The following PPP1R3A variants were observed in gnomAD, a reference collection of about 807,000 sequenced individuals.
The protein encoded by PPP1R3A is protein phosphatase 1 regulatory subunit 3A, also known as RG1.
PPP1R3A carries 29 observed loss-of-function variants against 41.7 expected under a neutral mutation model. The ratio of observed to expected loss-of-function variants is 0.70; its 90% CI spans 0.52 to 0.95. The LOEUF is 0.95. PPP1R3A is among the 40% of genes least tolerant of loss of function. PPP1R3A has a pLI of 0.00. For synonymous variants in PPP1R3A, 485 were observed against 453.4 expected, an observed-to-expected ratio of 1.07 and a Z score of -0.89; for missense variants, 1,352 against 1,292.4, an observed-to-expected ratio of 1.05 and a Z score of -0.71.
intron 3 of PPP1R3A, among the ~76,000 whole-genome samples, chr7:113,880,718 T>C (rs1023652303): frequency 6.6e-6 from 1 of 151,874 alleles, no homozygotes; most frequent in Non-Finnish European, 1.5e-5. Flanking sequence ...GCCTGTGTTT[T>C]TTTTTTTTTC....
In PPP1R3A at chr7:113,918,843, T is replaced by C. The variant is rs369167258; in HGVS notation, c.154A>G (p.Ile52Val). Residue 52 changes from isoleucine to valine, a missense_variant, in exon 1 of 4, where the codon ATA becomes GTA. Physicochemically the swap from Ile to Val is conservative, Grantham distance 29. Coordinates refer to ENST00000284601, the MANE Select transcript of PPP1R3A (RefSeq NM_002711.4). The part of the protein sequence containing the change: ...SRRGSDSSED[I>V]YLDTPSSGTR... ...CCTGAAGATGGGGTATCCAGGTATA[T>C]GTCTTCAGAAGAATCAGAACCTCGT... The C allele has an allele frequency of 4.2e-5, 68 of 1,613,776 alleles. No individual in the cohort carries two copies. Among genetic ancestry groups the C allele is most frequent in the Non-Finnish European group, 5.3e-5 (62 of 1,179,838 alleles).
intron 1 of PPP1R3A, among the ~76,000 whole-genome samples, chr7:113,904,307 T>G (rs1329858734): frequency 2.0e-5 from 3 of 151,798 alleles, no homozygotes; most frequent in African/African-American, 7.2e-5. Flanking sequence ...CTTGATCAAA[T>G]AAATTTCCTT....
intron 1 of PPP1R3A, among the ~76,000 whole-genome samples, chr7:113,886,700 T>G (rs191382946): frequency 2.2e-4 from 34 of 152,280 alleles, no homozygotes; most frequent in Middle Eastern, 3.4e-3. Context: ...AAATAATTTA[T>G]GAAGATAGAG....
chr7:113,877,751 C>T lies in PPP1R3A; in HGVS notation c.3341G>A (p.Arg1114Lys), dbSNP rs1343349412. ...SLSWLSWEEG[R>K]QKESVKKK ...CTTCTTTTTGACAGACTCTTTTTGT[C>T]TACCCTCTTCCCAGGATAGCCAGGA... The change falls in exon 4 of 4, where the codon AGA becomes AAA. Residue 1114 changes from arginine to lysine, a missense_variant. Transcript: ENST00000284601. The T allele has an allele frequency of 1.9e-6, 3 of 1,570,364 alleles. No homozygotes were observed. The highest frequency in any genetic ancestry group is 1.4e-5 in the African/African-American group (1 of 73,196).
chr7:113,907,768 C>T lies in PPP1R3A; in HGVS notation c.782+10447G>A, dbSNP rs138475921. Among the ~76,000 whole-genome samples the T allele has an allele frequency of 2.9e-3, 436 of 151,758 alleles. 2 individuals carry two copies. The highest frequency in any genetic ancestry group is 0.01 in the African/African-American group (416 of 41,472). On this transcript the variant is annotated intron_variant, in intron 1 of 3. Transcript: ENST00000284601. ...AATGTTATGGTTTGAAAAAAATAGA[C>T]CGTACCTGGAGGCTGCCTAGAAATG...
rs1441913032 is a variant in PPP1R3A at position 113,879,396 on chromosome 7, G to C, written c.1696C>G (p.Leu566Val). ...GTGGGGATTGCGGTATGTTCGCTCA[G>C]CAGAGTAGCCAGGTCTCTGTTACTA... ...GASNRDLATL[L>V]SEHTAIPTRA... The change falls in exon 4 of 4, where the codon CTG becomes GTG. Residue 566 changes from leucine (L) to valine (V), a missense_variant. Transcript: ENST00000284601. 1.9e-6 allele frequency: 3 copies of C among 1,613,428 alleles called. No homozygotes were observed. The highest frequency in any genetic ancestry group is 8.5e-7 in the Non-Finnish European group (1 of 1,179,732).
chr7:113,891,121 A>G (rs904624539), intron 1 of PPP1R3A, among the ~76,000 whole-genome samples: 1 of 142,018 alleles, frequency 7.0e-6, no homozygotes, highest in Non-Finnish European at 1.5e-5. Context: ...AAAACCCTGC[A>G]TGCAAATCTC....
At chr7:113,882,980 ACTTTCCT>A (rs1392212220) in intron 1 of PPP1R3A, among the ~76,000 whole-genome samples, 1 of 152,074 alleles carries the variant, frequency 6.6e-6, no homozygotes, top group African/African-American at 2.4e-5. Flanking sequence ...GCAAGCATAT[ACTTTCCT>A]TCTTTAAAAT....
At chr7:113,892,736 C>A (rs1439130670) in intron 1 of PPP1R3A, among the ~76,000 whole-genome samples, 1 of 151,686 alleles carries the variant, frequency 6.6e-6, no homozygotes, top group Admixed American at 6.6e-5. Context: ...GATGATAATG[C>A]CAGAAATGAA....
chr7:113,900,062 T>C (rs1286398982), intron 1 of PPP1R3A, among the ~76,000 whole-genome samples: 2 of 77,262 alleles, frequency 2.6e-5, no homozygotes, highest in Non-Finnish European at 5.1e-5. Flanking sequence ...AATTTAAATT[T>C]ACTTTTTTTT....
At position 113,877,820 on chromosome 7, in the gene PPP1R3A, T is replaced by C. The variant is rs1796595051; in HGVS notation, c.3272A>G (p.His1091Arg). 6.2e-7 allele frequency: 1 copy of C among 1,608,606 alleles called. No individual in the cohort carries two copies. Among genetic ancestry groups the C allele is most frequent in the Non-Finnish European group, 8.5e-7 (1 of 1,175,692 alleles). Residue 1091 changes from histidine to arginine, a missense_variant, in exon 4 of 4, where the codon CAT (histidine) becomes CGT (arginine). Physicochemically the swap from His to Arg is conservative, Grantham distance 29. Coordinates refer to ENST00000284601, the MANE Select transcript of PPP1R3A (RefSeq NM_002711.4). ...LFLIFLITVY[H>R]YDLMIGLTFY... ...TGTCAAGCCAATCATTAAGTCATAA[T>C]GGTAGACAGTTATAAGAAATATCAG... is the stretch of plus-strand genomic sequence containing the variant.
intron 1 of PPP1R3A, among the ~76,000 whole-genome samples, chr7:113,917,411 C>T (rs1440423658): frequency 6.6e-6 from 1 of 151,974 alleles, no homozygotes; most frequent in Admixed American, 6.6e-5. Flanking sequence ...TATGTACTAT[C>T]GAGACAGCTG....
Position 113,877,872 on chromosome 7 carries a change from A to G in PPP1R3A, c.3220T>C (p.Ser1074Pro). The G allele has an allele frequency of 6.2e-7, 1 of 1,611,102 alleles. No homozygotes were observed. The highest frequency in any genetic ancestry group is 8.5e-7 in the Non-Finnish European group (1 of 1,177,636). The change falls in exon 4 of 4, where the codon TCT (serine) becomes CCT (proline). Residue 1074 changes from serine (S) to proline (P), a missense_variant. Physicochemically the swap from Ser to Pro is moderately conservative, Grantham distance 74 (BLOSUM62 -1). Coordinates refer to ENST00000284601, the MANE Select transcript of PPP1R3A (RefSeq NM_002711.4). ...NESLFSKYTN[S>P]KIPYFLLFLI... ...AACAAAAGGAAATAAGGTATTTTAG[A>G]GTTGGTATATTTTGAAAACAAAGAT...
intron 1 of PPP1R3A, among the ~76,000 whole-genome samples, chr7:113,908,183 G>A (rs1797176117): frequency 6.6e-6 from 1 of 151,754 alleles, no homozygotes. Flanking sequence ...ACTTAACTCA[G>A]TTTACCAAAG....
chr7:113,896,834 A>C (rs1272486585), intron 1 of PPP1R3A, among the ~76,000 whole-genome samples: 1 of 151,514 alleles, frequency 6.6e-6, no homozygotes, highest in East Asian at 2.0e-4. Flanking sequence ...TTATGCAAAA[A>C]AAATGAATAG....
In PPP1R3A at chr7:113,879,427, A is replaced by G. The variant is rs1315725972; in HGVS notation, c.1665T>C (p.Ile555=). The change falls in exon 4 of 4, where the codon ATT becomes ATC. Residue 555 remains isoleucine (I), a synonymous_variant. Coordinates refer to ENST00000284601, the MANE Select transcript of PPP1R3A (RefSeq NM_002711.4). ...TAGCCAGGTCTCTGTTACTAGCTCC[A>G]ATCCCTGCCACACTTATTTTAGGGT... The part of the protein sequence containing the change: ...MGNPKISVAG[I]GASNRDLATL... 3 of 1,613,378 alleles carry G rather than the reference A, an allele frequency of 1.9e-6. No individual in the cohort carries two copies. The highest frequency in any genetic ancestry group is 1.7e-5 in the Admixed American group (1 of 59,836).
intron 1 of PPP1R3A, among the ~76,000 whole-genome samples, chr7:113,905,328 T>A (rs1386620983): frequency 6.6e-6 from 1 of 151,710 alleles, no homozygotes; most frequent in Non-Finnish European, 1.5e-5. Context: ...TTTGTCAATA[T>A]TTTCACAAAA....
Position 113,918,418 on chromosome 7 carries a change from T to C in PPP1R3A, c.579A>G (p.Val193=). ...GETDQFSFKI[V]LVPPYQKDGS... ...CATCTTTTTGATAAGGAGGAACCAA[T>C]ACAATCTTAAAGGAGAACTGGTCAG... The change falls in exon 1 of 4, where the codon GTA becomes GTG. Residue 193 remains valine (V), a synonymous_variant. Coordinates refer to ENST00000284601, the MANE Select transcript of PPP1R3A (RefSeq NM_002711.4). 2 of 1,613,360 alleles carry C rather than the reference T, an allele frequency of 1.2e-6. No homozygotes were observed. Among genetic ancestry groups the C allele is most frequent in the East Asian group, 2.2e-5 (1 of 44,834 alleles).
intron 1 of PPP1R3A, among the ~76,000 whole-genome samples, chr7:113,895,491 G>T (rs1796961966): frequency 1.3e-5 from 2 of 151,668 alleles, no homozygotes; most frequent in South Asian, 4.2e-4. Context: ...TTAGATCCTG[G>T]GCACATTTCT....
Sources: allele counts gnomAD v4.1 joint callset (sites outside exome capture counted in the v4.1 genomes callset), GRCh38; gene constraint gnomAD v4.1.1; transcripts MANE v1.5; gene names NCBI Gene and HGNC (gene_info 2026-07-23, HGNC 2026-07-21).